CLASP2: variants seen among roughly 807,000 people sequenced by gnomAD.
CLASP2 encodes cytoplasmic linker associated protein 2, also known as CLIP-associating protein 2.
In CLASP2, 47 loss-of-function variants were observed where a neutral mutation model predicts 194.4. The observed-to-expected ratio is 0.24, with a 90% CI of 0.19 to 0.31. The LOEUF is 0.31. CLASP2 is among the 10% of genes least tolerant of loss of function. The pLI is 1.00. For synonymous variants in CLASP2, 619 were observed against 633.5 expected (o/e 0.98, Z 0.34); for missense variants, 1,445 against 1,823.6 (o/e 0.79, Z 3.78).
At chr3:33,583,868 CAA>C (rs1050961904) in intron 22 of CLASP2, among the ~76,000 whole-genome samples, 1 of 151,868 alleles carries the variant, frequency 6.6e-6, no homozygotes, top group Non-Finnish European at 1.5e-5. Flanking sequence ...ATCCTAAGGA[CAA>C]AGTCAGCAAC....
intron 22 of CLASP2, among the ~76,000 whole-genome samples, chr3:33,582,842 A>G (rs1052216048): frequency 4.6e-5 from 7 of 152,208 alleles, no homozygotes; most frequent in Non-Finnish European, 8.8e-5. Context: ...AAAGAAGTGA[A>G]TTAGTTAGAT....
chr3:33,588,004 TGTA>T (rs941197720), intron 21 of CLASP2, among the ~76,000 whole-genome samples: 4 of 152,184 alleles, frequency 2.6e-5, no homozygotes, highest in Admixed American at 6.5e-5. Context: ...ATAGGAAACT[TGTA>T]GTTCAGAAAC....
chr3:33,641,181 GAATA>G (rs2081205980), intron 8 of CLASP2, among the ~76,000 whole-genome samples: 1 of 151,478 alleles, frequency 6.6e-6, no homozygotes, highest in African/African-American at 2.4e-5. Context: ...TTAAATGAAA[GAATA>G]TATATAAGAA....
At chr3:33,523,032 C>T (rs571865756) in intron 34 of CLASP2, among the ~76,000 whole-genome samples, 11 of 152,210 alleles carry the variant, frequency 7.2e-5, no homozygotes, top group South Asian at 2.1e-4. Flanking sequence ...GCTGAGATCG[C>T]GCCACTGCAC....
At chr3:33,614,267 T>C (rs920257333) in intron 12 of CLASP2, among the ~76,000 whole-genome samples, 1 of 152,086 alleles carries the variant, frequency 6.6e-6, no homozygotes, top group Non-Finnish European at 1.5e-5. Flanking sequence ...TTCAAATAAG[T>C]AGAATTTAAA....
At chr3:33,657,518 GAAATA>G (rs144308340) in intron 7 of CLASP2, among the ~76,000 whole-genome samples, 6,690 of 149,364 alleles carry the variant, frequency 0.045, 456 homozygotes, top group African/African-American at 0.15. Context: ...AAATGTTTAA[GAAATA>G]AAATAAAATC....
intron 8 of CLASP2, among the ~76,000 whole-genome samples, chr3:33,639,145 C>A (rs928380585): frequency 6.6e-6 from 1 of 152,004 alleles, no homozygotes; most frequent in Admixed American, 6.6e-5. Flanking sequence ...ACAGCCTCAA[C>A]CTCCTGGGTT....
intron 34 of CLASP2, among the ~76,000 whole-genome samples, chr3:33,519,725 C>T (rs1179570566): frequency 6.6e-6 from 1 of 151,946 alleles, no homozygotes; most frequent in African/African-American, 2.4e-5. Context: ...CTTTGTACTA[C>T]AGTAGTTTAA....
rs539039576 is a variant in CLASP2 at position 33,646,079 on chromosome 3, G to A, written c.716-1176C>T. Reference sequence around the variant, plus strand: ...AGGCAGAGAAGCAGCTTTACCACACGCTTCAGATGAATATGCCAGAATCTT... The same window carrying A: ...AGGCAGAGAAGCAGCTTTACCACACACTTCAGATGAATATGCCAGAATCTT... On this transcript the variant is annotated intron_variant, in intron 7 of 38. Transcript: ENST00000682230. 5.9e-5 allele frequency among the ~76,000 whole-genome samples: 9 copies of A among 151,798 alleles called. No individual in the cohort carries two copies. In the South Asian group the frequency reaches 1.0e-3, roughly 18 times the overall value.
At chr3:33,662,099 T>C (rs978454377) in intron 7 of CLASP2, among the ~76,000 whole-genome samples, 7 of 152,118 alleles carry the variant, frequency 4.6e-5, no homozygotes, top group African/African-American at 1.7e-4. Context: ...CCTCCCTGTT[T>C]ATGGAGTGAT....
At chr3:33,556,567 T>A (rs1267668448) in intron 29 of CLASP2, among the ~76,000 whole-genome samples, 2 of 149,996 alleles carry the variant, frequency 1.3e-5, no homozygotes, top group Non-Finnish European at 3.0e-5. Flanking sequence ...TCCCGAGTAG[T>A]TGGGATTACA....
intron 34 of CLASP2, among the ~76,000 whole-genome samples, chr3:33,528,247 A>T (rs1263737680): frequency 1.3e-5 from 2 of 152,190 alleles, no homozygotes; most frequent in Non-Finnish European, 2.9e-5. Context: ...ACACTGCTTC[A>T]TGCTAAAAAC....
chr3:33,536,205 G>C (rs955363095), intron 33 of CLASP2, among the ~76,000 whole-genome samples: 1 of 150,646 alleles, frequency 6.6e-6, no homozygotes, highest in South Asian at 2.1e-4. Flanking sequence ...GAGCAAAAGA[G>C]AGAACGATGC....
intron 32 of CLASP2, among the ~76,000 whole-genome samples, chr3:33,540,385 C>T (rs1202188068): frequency 2.0e-5 from 3 of 152,006 alleles, no homozygotes; most frequent in Non-Finnish European, 2.9e-5. Flanking sequence ...TACAAACACA[C>T]ACCACCATGC....
chr3:33,523,940 G>T (rs1455363878), intron 34 of CLASP2, among the ~76,000 whole-genome samples: 2 of 151,918 alleles, frequency 1.3e-5, no homozygotes, highest in Non-Finnish European at 2.9e-5. Flanking sequence ...AAACAACCAA[G>T]AAAATAGCTA....
intron 6 of CLASP2, among the ~76,000 whole-genome samples, chr3:33,680,297 C>A (rs1339633319): frequency 1.3e-5 from 2 of 152,156 alleles, no homozygotes; most frequent in African/African-American, 2.4e-5. Context: ...GTACATCTGT[C>A]CAAACCCATG....
chr3:33,532,922 A>C (rs1435228171), intron 34 of CLASP2, among the ~76,000 whole-genome samples: 1 of 152,184 alleles, frequency 6.6e-6, no homozygotes, highest in Admixed American at 6.5e-5. Context: ...AATAAATCCT[A>C]AAGTGTTTAA....
Position 33,498,194 on chromosome 3 carries a change from A to G in CLASP2, c.*437T>C, listed in dbSNP as rs1192765137. The G allele has an allele frequency of 6.5e-6, 1 of 153,776 alleles. No homozygotes were observed. Among genetic ancestry groups the G allele is most frequent in the Non-Finnish European group, 1.4e-5 (1 of 68,988 alleles). The allele number at this position is 153,776 out of a possible 1,614,324, so 9.5% of individuals were successfully genotyped here. On this transcript the variant is annotated 3_prime_UTR_variant, in exon 39 of 39. Transcript: ENST00000682230. The stretch of plus-strand genomic sequence containing the variant: ...AGCATAGGACATGATACGAAACAAA[A>G]CTCAAAGTAGCAATAAAAATATTAT...
At chr3:33,554,590 G>C (rs952939450) in intron 29 of CLASP2, 9 of 152,336 alleles carry the variant, frequency 5.9e-5, no homozygotes, top group African/African-American at 2.2e-4. Context: ...CAGCCAGGAA[G>C]ATGTTGGTGT....
Sources: gnomAD v4.1 joint callset for allele counts (sites outside exome capture counted in the v4.1 genomes callset) on GRCh38, gnomAD v4.1.1 for gene constraint, MANE v1.5 for transcripts, NCBI Gene and HGNC (gene_info 2026-07-23, HGNC 2026-07-21) for gene names.